SNORC: variants seen among roughly 807,000 people sequenced by gnomAD.
SNORC encodes the protein protein SNORC.
A neutral mutation model predicts 9.7 loss-of-function variants in SNORC; 11 were observed. That is an observed-to-expected ratio of 1.14 (90% CI 0.72 to 1.88). The LOEUF is 1.88. SNORC is among the 40% of genes most tolerant of loss of function. The pLI is 0.00. For synonymous variants in SNORC, 108 were observed against 88.7 expected (o/e 1.22, Z -1.22); for missense variants, 197 against 173.1 (o/e 1.14, Z -0.77).
At chr2:232,866,577 TAGTA>T (rs1357600813), upstream of SNORC, among the ~76,000 whole-genome samples, 2 of 152,228 alleles carry the variant, frequency 1.3e-5, no homozygotes, top group African/African-American at 4.8e-5. Context: ...TCTAAGTTTT[TAGTA>T]AGTTAAATTA....
chr2:232,873,323 G>A (rs1274919571), intron 1 of SNORC, among the ~76,000 whole-genome samples: 2 of 127,446 alleles, frequency 1.6e-5, no homozygotes, highest in African/African-American at 5.2e-5. Flanking sequence ...GCCAGGGCAG[G>A]TATGTCTGGT....
At chr2:232,877,012 C>G, downstream of SNORC, 1 of 985,594 alleles carries the variant, frequency 1.0e-6, no homozygotes, top group Non-Finnish European at 1.2e-6. Flanking sequence ...GCCGTCGGCT[C>G]TCCCAGCCAG....
downstream of SNORC, chr2:232,877,285 C>G: frequency 1.0e-6 from 1 of 985,474 alleles, no homozygotes; most frequent in Non-Finnish European, 1.2e-6. Flanking sequence ...CCTCACTTCA[C>G]CCTCAGAGAG....
upstream of SNORC, among the ~76,000 whole-genome samples, chr2:232,866,677 A>G (rs1444816925): frequency 1.3e-5 from 2 of 152,136 alleles, no homozygotes; most frequent in African/African-American, 2.4e-5. Context: ...TGGGACACAC[A>G]TGCACAAAGG....
intron 1 of SNORC, 141 bp downstream of exon 1, chr2:232,870,555 G>T: frequency 1.3e-6 from 1 of 797,970 alleles, no homozygotes; most frequent in South Asian, 1.8e-5. Context: ...ATTCTGCGAA[G>T]AGCTCTTGTG....
chr2:232,868,876 A>G (rs1690926241), upstream of SNORC: 1 of 152,220 alleles, frequency 6.6e-6, no homozygotes, highest in Non-Finnish European at 1.5e-5. Flanking sequence ...CATCTTGCCT[A>G]TTTAGTCTGA....
chr2:232,876,770 T>TC, downstream of SNORC: 1 of 985,184 alleles, frequency 1.0e-6, no homozygotes, highest in South Asian at 4.7e-5. This position sits in a 1 kb window ranked among gnomAD's most constrained non-coding sequence, Gnocchi z 6.8. Context: ...TCTTAGCCCG[T>TC]CCGGGGGCAC....
At position 232,876,372 on chromosome 2, in the gene SNORC, C is replaced by A. The variant is rs754417007; in HGVS notation, c.*16C>A. Reference sequence around the variant, plus strand: ...TGCCTCCTGAAGCGAATAAAGGGGCCGCGCCCGGCCGCGGCGCGACTCGGC... The same window carrying A: ...TGCCTCCTGAAGCGAATAAAGGGGCAGCGCCCGGCCGCGGCGCGACTCGGC... On this transcript the variant is annotated 3_prime_UTR_variant, in exon 3 of 3. Coordinates refer to ENST00000331342, the Ensembl canonical transcript of SNORC. The surrounding 1 kb of genome is among the most constrained non-coding windows in gnomAD (Gnocchi z 6.8). The A allele has an allele frequency of 1.3e-6, 2 of 1,515,332 alleles. No homozygotes were observed. Among genetic ancestry groups the A allele is most frequent in the East Asian group, 2.7e-5 (1 of 37,382 alleles). The allele number at this position is 1,515,332 out of a possible 1,614,324, so 93.9% of individuals were successfully genotyped here.
downstream of SNORC, chr2:232,876,694 C>G: frequency 1.0e-6 from 1 of 993,696 alleles, no homozygotes; most frequent in Non-Finnish European, 1.2e-6. This position sits in a 1 kb window ranked among gnomAD's most constrained non-coding sequence, Gnocchi z 6.8. Flanking sequence ...GAGCGCGCCG[C>G]ATGTGCGTGC....
intron 1 of SNORC, chr2:232,875,461 T>C (rs1032299547): frequency 7.2e-6 from 3 of 413,876 alleles, no homozygotes; most frequent in African/African-American, 2.1e-5. Context: ...TGTTGAGCTT[T>C]CCAGCGTTTC....
At chr2:232,867,553 G>T (rs1040518423), upstream of SNORC, among the ~76,000 whole-genome samples, 16 of 152,084 alleles carry the variant, frequency 1.1e-4, no homozygotes, top group African/African-American at 3.6e-4. Context: ...ACAATTCATT[G>T]TCTTGAAATT....
At chr2:232,877,274 A>T, downstream of SNORC, 1 of 985,166 alleles carries the variant, frequency 1.0e-6, no homozygotes, top group South Asian at 4.7e-5. Flanking sequence ...AGCTCTACTC[A>T]CCTCACTTCA....
upstream of SNORC, chr2:232,870,282 A>G (rs916180950): frequency 1.2e-5 from 17 of 1,447,720 alleles, no homozygotes; most frequent in Non-Finnish European, 1.6e-5. Context: ...CACTGCCCTG[A>G]AGTTAACCAG....
At position 232,876,316 on chromosome 2, in the gene SNORC, C is replaced by T. The variant is rs1378085885; in HGVS notation, c.326C>T (p.Ala109Val). The T allele has an allele frequency of 3.2e-6, 5 of 1,548,158 alleles. No homozygotes were observed. Among genetic ancestry groups the T allele is most frequent in the Non-Finnish European group, 3.5e-6 (4 of 1,150,860 alleles). ...CTGCTGGCCACCTGCGTGGTGCTGG[C>T]GCTCGTGGTCGTCGCGCTGAGAAAG... Residue 109 changes from alanine (A) to valine (V), a missense_variant, in exon 3 of 3, where the codon GCG (alanine) becomes GTG (valine). By Grantham distance (64) the Ala-to-Val change is moderately conservative. Transcript: ENST00000331342. The surrounding 1 kb of genome is among the most constrained non-coding windows in gnomAD (Gnocchi z 6.8).
upstream of SNORC, among the ~76,000 whole-genome samples, chr2:232,866,828 C>T (rs369503897): frequency 5.3e-5 from 8 of 152,324 alleles, no homozygotes; most frequent in African/African-American, 1.9e-4. Flanking sequence ...ATTCTCCTGC[C>T]TCAGCCTCCT....
upstream of SNORC, among the ~76,000 whole-genome samples, chr2:232,867,075 G>A (rs1285031535): frequency 6.6e-6 from 1 of 152,064 alleles, no homozygotes; most frequent in Non-Finnish European, 1.5e-5. Flanking sequence ...TTACAGGCGT[G>A]AGCCACAGTG....
chr2:232,873,489 G>A (rs1574972232), intron 1 of SNORC, among the ~76,000 whole-genome samples: 1 of 152,294 alleles, frequency 6.6e-6, no homozygotes, highest in South Asian at 2.1e-4. Context: ...CTCAGGGGCT[G>A]GAGGCCTGCC....
Position 232,876,020 on chromosome 2 carries a change from A to G in SNORC, c.154A>G (p.Thr52Ala). The change falls in exon 2 of 3, where the codon ACC becomes GCC. Residue 52 changes from threonine to alanine, a missense_variant. Transcript: ENST00000331342. This position sits in a 1 kb window ranked among gnomAD's most constrained non-coding sequence, Gnocchi z 6.8. ...GTCGGGAGAAGGCCCCGTGGAGAGC[A>G]CCAGCCCCGGCCGGGAGCCCGTGGA... 1.3e-6 allele frequency: 2 copies of G among 1,548,406 alleles called. No individual in the cohort carries two copies. Among genetic ancestry groups the G allele is most frequent in the Non-Finnish European group, 1.7e-6 (2 of 1,149,944 alleles).
At chr2:232,878,591 G>A (rs1295855982), downstream of SNORC, 1 of 152,470 alleles carries the variant, frequency 6.6e-6, no homozygotes, top group Non-Finnish European at 1.5e-5. Context: ...CTCTTCCTTT[G>A]GGACATGCCT....
Sources: allele counts gnomAD v4.1 joint callset (sites outside exome capture counted in the v4.1 genomes callset), GRCh38; gene constraint gnomAD v4.1.1; non-coding constraint Gnocchi (gnomAD v3.1); transcripts MANE v1.5; gene names NCBI Gene and HGNC (gene_info 2026-07-23, HGNC 2026-07-21).